The following PRUNE2 variants were observed in gnomAD, a reference collection of about 807,000 sequenced individuals.
The protein encoded by PRUNE2 is protein prune homolog 2.
A neutral mutation model predicts 252.0 loss-of-function variants in PRUNE2; 164 were observed. The ratio of observed to expected loss-of-function variants is 0.65; its 90% CI spans 0.57 to 0.74. PRUNE2 has a LOEUF of 0.74. Ranked by LOEUF, PRUNE2 falls within the 30% of genes least tolerant of loss-of-function variation. The pLI is 0.00. For missense variants in PRUNE2, 3,495 were observed against 3,711.0 expected, an observed-to-expected ratio of 0.94 and a Z score of 1.51; for synonymous variants, 1,292 against 1,350.2, an observed-to-expected ratio of 0.96 and a Z score of 0.94.
Position 76,703,933 on chromosome 9 carries a change from G to A in PRUNE2, c.7680C>T (p.His2560=), listed in dbSNP as rs767876593. The change falls in exon 9 of 19, where the codon CAC becomes CAT. Residue 2560 remains histidine (H), a synonymous_variant. Transcript: ENST00000376718. The part of the protein sequence containing the change: ...YILVNREENS[H]SKPETCEERE... ...TTTCTTCACAGGTCTCTGGCTTTGA[G>A]TGTGAATTTTCTTCACGGTTTACAA... is the stretch of plus-strand genomic sequence containing the variant. The A allele has an allele frequency of 1.5e-5, 25 of 1,613,586 alleles. No individual in the cohort carries two copies. Among genetic ancestry groups the A allele is most frequent in the Non-Finnish European group, 2.0e-5 (24 of 1,179,868 alleles).
intron 8 of PRUNE2, among the ~76,000 whole-genome samples, 162 bp from the exon 9 acceptor site, chr9:76,704,261 G>A (rs1172594271): frequency 6.6e-6 from 1 of 152,084 alleles, no homozygotes; most frequent in East Asian, 1.9e-4. Context: ...GTCCCGCTCT[G>A]TCACCCAGGA....
chr9:76,841,932 T>C (rs1220537720), intron 4 of PRUNE2, among the ~76,000 whole-genome samples: 1 of 152,266 alleles, frequency 6.6e-6, no homozygotes, highest in Admixed American at 6.5e-5. Context: ...GCTATCCCTA[T>C]TGAATCCCCA....
chr9:76,874,972 T>C lies in PRUNE2; in HGVS notation c.37-20764A>G, dbSNP rs540512058. ...ACAACCTATTTTCTTGTCAATGATC[T>C]TTCTGCTATAATCTGCCTCCAAAAA... On this transcript the variant is annotated intron_variant, in intron 1 of 18. Coordinates refer to ENST00000376718, the MANE Select transcript of PRUNE2 (RefSeq NM_015225.3). Among the ~76,000 whole-genome samples, 8 of 152,304 alleles carry C rather than the reference T, an allele frequency of 5.3e-5. No homozygotes were observed. In the South Asian group the frequency reaches 1.2e-3, roughly 24 times the overall value.
chr9:76,892,378 T>C (rs1473450093), intron 1 of PRUNE2, among the ~76,000 whole-genome samples: 1 of 152,190 alleles, frequency 6.6e-6, no homozygotes, highest in Non-Finnish European at 1.5e-5. Flanking sequence ...AAAAGATGTA[T>C]AAAGAAGCTT....
At chr9:76,715,197 C>A (rs970497130) in intron 6 of PRUNE2, among the ~76,000 whole-genome samples, 3 of 152,176 alleles carry the variant, frequency 2.0e-5, no homozygotes, top group Admixed American at 2.0e-4. Context: ...TCCCCATACC[C>A]ACATTAATGT....
chr9:76,699,783 T>C (rs117394286), intron 9 of PRUNE2, among the ~76,000 whole-genome samples: 2,480 of 152,348 alleles, frequency 0.016, 37 homozygotes, highest in Admixed American at 0.026. Flanking sequence ...CCCTAACATG[T>C]AACCAAATTA....
At chr9:76,778,202 G>A (rs1195215584) in intron 6 of PRUNE2, among the ~76,000 whole-genome samples, 1 of 152,202 alleles carries the variant, frequency 6.6e-6, no homozygotes, top group African/African-American at 2.4e-5. Flanking sequence ...TCAAGGCTGA[G>A]GAAGACTGCT....
At chr9:76,693,509 T>G (rs2134511365) in intron 9 of PRUNE2, among the ~76,000 whole-genome samples, 1 of 148,340 alleles carries the variant, frequency 6.7e-6, no homozygotes, top group South Asian at 2.1e-4. Flanking sequence ...CGTGGTGTGA[T>G]GTCAGCTCAC....
intron 9 of PRUNE2, among the ~76,000 whole-genome samples, chr9:76,676,092 C>CAAAAAAAA (rs1554684810): frequency 6.7e-6 from 1 of 148,576 alleles, no homozygotes; most frequent in Non-Finnish European, 1.5e-5. Flanking sequence ...ACAAAAAAAA[C>CAAAAAAAA]TAATAGCCAA....
chr9:76,894,643 C>T (rs2062701604), intron 1 of PRUNE2, among the ~76,000 whole-genome samples: 1 of 151,132 alleles, frequency 6.6e-6, no homozygotes, highest in Non-Finnish European at 1.5e-5. Context: ...GATCTTCTGC[C>T]TCTGCTGTTG....
At chr9:76,679,983 A>G (rs1457359586) in intron 9 of PRUNE2, among the ~76,000 whole-genome samples, 1 of 152,226 alleles carries the variant, frequency 6.6e-6, no homozygotes, top group African/African-American at 2.4e-5. Context: ...CCAAAAGCAT[A>G]GGCAACAAAA....
At chr9:76,739,967 C>T (rs977128847) in intron 6 of PRUNE2, 2 of 151,874 alleles carry the variant, frequency 1.3e-5, no homozygotes, top group African/African-American at 2.4e-5. Flanking sequence ...CACCTGTAAT[C>T]CCAGCTACTC....
intron 15 of PRUNE2, among the ~76,000 whole-genome samples, chr9:76,630,376 G>A (rs373098050): frequency 2.4e-3 from 363 of 151,428 alleles, no homozygotes; most frequent in African/African-American, 8.5e-3. Context: ...AAATGTGTTC[G>A]TTTTAGAGAT....
chr9:76,897,968 A>G (rs1656176903), intron 1 of PRUNE2, among the ~76,000 whole-genome samples: 1 of 152,104 alleles, frequency 6.6e-6, no homozygotes, highest in Non-Finnish European at 1.5e-5. Context: ...CTGTGCCTGG[A>G]GATCACGTCC....
intron 3 of PRUNE2, among the ~76,000 whole-genome samples, chr9:76,850,190 G>A (rs1422419154): frequency 6.6e-6 from 1 of 152,068 alleles, no homozygotes; most frequent in Non-Finnish European, 1.5e-5. Context: ...TGGGATTACA[G>A]GCATGCACCA....
rs746339458 is a variant in PRUNE2, at chr9:76,710,752, G to A, written c.1522C>T (p.Gln508Ter). ...GAGTAGTCTGCAGAATGAGAAGATT[G>A]CTGGGACTGCCCAGAAGCCATGGGT... ...PAPMASGQSQ[Q>*]SSHSADYSPA... Residue 508 changes from glutamine (Q) to a stop codon, truncating the protein, a stop_gained, in exon 8 of 19, where the codon CAA (glutamine) becomes TAA (stop). Transcript: ENST00000376718. LOFTEE classifies it high-confidence loss of function. 6.2e-7 allele frequency: 1 copy of A among 1,610,888 alleles called. No homozygotes were observed. The highest frequency in any genetic ancestry group is 1.7e-5 in the Admixed American group (1 of 59,694).
intron 1 of PRUNE2, among the ~76,000 whole-genome samples, chr9:76,904,388 C>T (rs2063356092): frequency 6.6e-6 from 1 of 152,142 alleles, no homozygotes; most frequent in African/African-American, 2.4e-5. Flanking sequence ...TCAGACCCCA[C>T]AGTCTAAATG....
chr9:76,725,508 G>T (rs1306756116), intron 6 of PRUNE2, among the ~76,000 whole-genome samples: 1 of 152,118 alleles, frequency 6.6e-6, no homozygotes, highest in Non-Finnish European at 1.5e-5. Flanking sequence ...TGGGGAATAT[G>T]GTTGTGCCCC....
chr9:76,729,828 T>C (rs1274169476), intron 6 of PRUNE2, among the ~76,000 whole-genome samples: 1 of 152,182 alleles, frequency 6.6e-6, no homozygotes, highest in Admixed American at 6.5e-5. Flanking sequence ...CAGCCATACA[T>C]ATAAAATTTA....
Sources: gnomAD v4.1 joint callset for allele counts (sites outside exome capture counted in the v4.1 genomes callset) on GRCh38, gnomAD v4.1.1 for gene constraint, MANE v1.5 for transcripts, NCBI Gene and HGNC (gene_info 2026-07-23, HGNC 2026-07-21) for gene names.